Variants in PACSIN2 observed in about 807,000 individuals in gnomAD.
The protein encoded by PACSIN2 is protein kinase C and casein kinase substrate in neurons 2.
In PACSIN2, 25 loss-of-function variants were observed where a neutral mutation model predicts 63.8. The observed-to-expected ratio is 0.39, with a 90% confidence interval of 0.29 to 0.55. The LOEUF is 0.55. Among genes scored for constraint, PACSIN2 ranks in the 20% least tolerant of loss-of-function variants. The pLI, the probability that PACSIN2 is intolerant of heterozygous loss-of-function variation, is 0.62. For synonymous variants in PACSIN2, 255 were observed against 256.2 expected, an observed-to-expected ratio of 1.00 and a Z score of 0.05; for missense variants, 518 against 646.9, an observed-to-expected ratio of 0.80 and a Z score of 2.16.
chr22:42,886,451 GGTAT>G (rs138304512), intron 5 of PACSIN2, among the ~76,000 whole-genome samples: 51,252 of 147,980 alleles, frequency 0.35, 9,778 homozygotes, highest in Non-Finnish European at 0.44. Context: ...TAGGTAGGTA[GGTAT>G]GTATGTACCT....
intron 1 of PACSIN2, among the ~76,000 whole-genome samples, chr22:43,007,803 C>T (rs2146927532): frequency 6.6e-6 from 1 of 152,320 alleles, no homozygotes; most frequent in African/African-American, 2.4e-5. Flanking sequence ...GATTCCAGAG[C>T]TGCAGGCAGA....
In PACSIN2 at chr22:42,884,367, T is replaced by G. The variant is rs1174885189; in HGVS notation, c.785+19A>C. 3.1e-6 allele frequency: 5 copies of G among 1,604,478 alleles called. No individual in the cohort carries two copies. In the African/African-American group the frequency reaches 6.7e-5, roughly 22 times the overall value. ...GTTGACTTCAATGACGTGTGTGTTT[T>G]AGCTCAAAGGAAACTTACCCAGCCA... On this transcript the variant is annotated intron_variant, in intron 6 of 10. Transcript: ENST00000263246.
intron 2 of PACSIN2, among the ~76,000 whole-genome samples, chr22:42,896,358 GC>G (rs1930282207): frequency 1.8e-5 from 1 of 55,192 alleles, no homozygotes; most frequent in Non-Finnish European, 5.3e-5. Context: ...CTTTCTTACT[GC>G]TAAGTAGTAT....
chr22:42,905,673 G>A (rs1931025509), intron 2 of PACSIN2, among the ~76,000 whole-genome samples: 1 of 152,250 alleles, frequency 6.6e-6, no homozygotes, highest in Admixed American at 6.5e-5. Context: ...TGTTGTAGAT[G>A]TCATACACCA....
At chr22:42,942,071 C>T (rs903021794) in intron 1 of PACSIN2, among the ~76,000 whole-genome samples, 2 of 151,264 alleles carry the variant, frequency 1.3e-5, no homozygotes, top group African/African-American at 4.9e-5. Flanking sequence ...GCCACTGTGT[C>T]CGGCCTTTAT....
intron 1 of PACSIN2, among the ~76,000 whole-genome samples, chr22:42,922,626 G>T (rs1029855872): frequency 6.6e-6 from 1 of 152,226 alleles, no homozygotes; most frequent in African/African-American, 2.4e-5. Context: ...ACTATCTGGG[G>T]GGAGATTCTT....
intron 1 of PACSIN2, among the ~76,000 whole-genome samples, chr22:42,947,872 G>C (rs1204589026): frequency 1.3e-5 from 2 of 152,228 alleles, no homozygotes; most frequent in Non-Finnish European, 2.9e-5. Flanking sequence ...GAAGGTGACT[G>C]GGGCCAGGCT....
At chr22:42,969,606 G>C (rs1921091148) in intron 1 of PACSIN2, among the ~76,000 whole-genome samples, 1 of 152,174 alleles carries the variant, frequency 6.6e-6, no homozygotes, top group African/African-American at 2.4e-5. Context: ...CTGTAGATTG[G>C]AAATAGTTTT....
intron 1 of PACSIN2, among the ~76,000 whole-genome samples, chr22:42,953,255 C>T (rs1396814448): frequency 6.6e-6 from 1 of 151,438 alleles, no homozygotes; most frequent in Non-Finnish European, 1.5e-5. Flanking sequence ...TCTAGGATAA[C>T]CACTAAAGGA....
chr22:42,895,273 CCTTA>C (rs1257482423), intron 2 of PACSIN2, among the ~76,000 whole-genome samples: 4 of 152,184 alleles, frequency 2.6e-5, no homozygotes, highest in Non-Finnish European at 4.4e-5. Flanking sequence ...TAAAATGAGG[CCTTA>C]CTGTCATTTT....
At chr22:42,979,564 A>G (rs572638589) in intron 1 of PACSIN2, among the ~76,000 whole-genome samples, 25 of 151,970 alleles carry the variant, frequency 1.6e-4, no homozygotes, top group Admixed American at 5.9e-4. Flanking sequence ...AGAAAAAAGA[A>G]ATATACAGAT....
intron 1 of PACSIN2, among the ~76,000 whole-genome samples, chr22:42,964,058 A>G (rs549748391): frequency 3.9e-5 from 6 of 152,162 alleles, no homozygotes; most frequent in African/African-American, 7.2e-5. Flanking sequence ...GAAACCCTGT[A>G]CCCTTTAGCT....
chr22:42,919,499 G>C (rs1359207649), intron 1 of PACSIN2, among the ~76,000 whole-genome samples: 1 of 152,160 alleles, frequency 6.6e-6, no homozygotes, highest in African/African-American at 2.4e-5. Flanking sequence ...CTCAGGCTGG[G>C]CGTGGTGGCT....
chr22:42,956,561 CACAT>C (rs1933925248), intron 1 of PACSIN2, among the ~76,000 whole-genome samples: 1 of 152,186 alleles, frequency 6.6e-6, no homozygotes, highest in Non-Finnish European at 1.5e-5. Context: ...TACTGACACA[CACAT>C]ACATGCTCCT....
chr22:42,911,000 G>A (rs1043165366), intron 2 of PACSIN2, among the ~76,000 whole-genome samples: 2 of 151,950 alleles, frequency 1.3e-5, no homozygotes, highest in African/African-American at 4.8e-5. Flanking sequence ...CGCCTCCCGG[G>A]TTCATGCCAT....
At chr22:42,875,554 G>A in intron 10 of PACSIN2, among the ~76,000 whole-genome samples, 1 of 133,224 alleles carries the variant, frequency 7.5e-6, no homozygotes, top group Admixed American at 7.5e-5. Flanking sequence ...TTTTTTTTTT[G>A]ACACAAAGTC....
chr22:42,880,088 C>T (rs1398027395), intron 7 of PACSIN2, among the ~76,000 whole-genome samples: 1 of 152,190 alleles, frequency 6.6e-6, no homozygotes, highest in East Asian at 1.9e-4. Context: ...CTCTCCTTCC[C>T]CCCATCTCCA....
chr22:42,915,873 A>C (rs1931772648), intron 1 of PACSIN2, among the ~76,000 whole-genome samples: 2 of 152,226 alleles, frequency 1.3e-5, no homozygotes, highest in South Asian at 4.1e-4. Flanking sequence ...GTGCAGTCAG[A>C]ATCTAGCAAA....
In PACSIN2 at chr22:42,888,742, G is replaced by C; in HGVS notation, c.510C>G (p.Ile170Met). The change falls in exon 5 of 11, where the codon ATC becomes ATG. Residue 170 changes from isoleucine to methionine, a missense_variant. Ile to Met is a conservative substitution (Grantham distance 10, BLOSUM62 1). Transcript: ENST00000263246. ...HAACKEEKLAISREANSKADP... is the reference protein window; with the variant it reads ...HAACKEEKLAMSREANSKADP... ...CTGCCTTGCTGTTGGCTTCTCGTGA[G>C]ATAGCCAGCTTCTCCTCTTTGCACG... 1.2e-6 allele frequency: 2 copies of C among 1,613,956 alleles called. No homozygotes were observed. The highest frequency in any genetic ancestry group is 1.7e-6 in the Non-Finnish European group (2 of 1,179,798).
Sources: allele counts gnomAD v4.1 joint callset (sites outside exome capture counted in the v4.1 genomes callset), GRCh38; gene constraint gnomAD v4.1.1; transcripts MANE v1.5; gene names NCBI Gene and HGNC (gene_info 2026-07-23, HGNC 2026-07-21).